IL18: variants seen among roughly 807,000 people sequenced by gnomAD.
IL18 encodes interleukin 18.
Under a neutral mutation model 14.2 loss-of-function variants are expected in IL18, and 8 were observed. The observed-to-expected ratio is 0.56, with a 90% CI of 0.33 to 1.01. The LOEUF (loss-of-function observed/expected upper bound fraction) is 1.01. Among genes scored for constraint, IL18 ranks in the 50% least tolerant of loss-of-function variants. The pLI is 0.03. For missense variants in IL18, 166 were observed against 231.1 expected (o/e 0.72, Z 1.83); for synonymous variants, 67 against 71.0 (o/e 0.94, Z 0.28).
At chr11:112,158,382 CT>C (rs1866570603) in intron 1 of IL18, among the ~76,000 whole-genome samples, 1 of 152,172 alleles carries the variant, frequency 6.6e-6, no homozygotes, top group East Asian at 1.9e-4. Flanking sequence ...TTGTTGCTTT[CT>C]TTCTTTTTTC....
chr11:112,145,694 G>C (rs768541529), intron 5 of IL18, among the ~76,000 whole-genome samples: 1 of 151,862 alleles, frequency 6.6e-6, no homozygotes, highest in Non-Finnish European at 1.5e-5. Flanking sequence ...AGCTGAGATC[G>C]TGCCACTGCA....
In IL18 at chr11:112,143,832, A is replaced by G; in HGVS notation, c.361-15T>C. The G allele has an allele frequency of 3.4e-6, 5 of 1,450,458 alleles. No individual in the cohort carries two copies. The highest frequency in any genetic ancestry group is 4.8e-6 in the Non-Finnish European group (5 of 1,046,010). The allele number at this position is 1,450,458 out of a possible 1,614,324, so 89.8% of individuals were successfully genotyped here. On this transcript the variant is annotated splice_polypyrimidine_tract_variant and intron_variant, in intron 5 of 5. Coordinates refer to ENST00000280357, the MANE Select transcript of IL18 (RefSeq NM_001562.4). ...GGATTCATTTCCTATAGAGAAAAAAACATTACCTAATTATTTCAGGACATG... is the reference window on the plus strand; with the variant it reads ...GGATTCATTTCCTATAGAGAAAAAAGCATTACCTAATTATTTCAGGACATG...
At chr11:112,161,044 A>G (rs1287937309) in intron 1 of IL18, among the ~76,000 whole-genome samples, 2 of 150,190 alleles carry the variant, frequency 1.3e-5, no homozygotes, top group East Asian at 3.9e-4. Context: ...AAATGCTTTG[A>G]CTATTTCATC....
Position 112,153,971 on chromosome 11 carries a change from T to G in IL18, c.80-368A>C, listed in dbSNP as rs112090359. On this transcript the variant is annotated intron_variant, in intron 2 of 5. Transcript: ENST00000280357. ...AATAATTTTTTATGAAGGTTTTTTT[T>G]TGTGTGTGTGTGTCAGGGTCTACTG... Among the ~76,000 whole-genome samples the G allele has an allele frequency of 3.4e-4, 51 of 152,116 alleles. 2 individuals carry two copies. Among genetic ancestry groups the G allele is most frequent in the South Asian group, 4.2e-4 (2 of 4,814 alleles).
At chr11:112,152,197 C>T (rs1254244918) in intron 3 of IL18, among the ~76,000 whole-genome samples, 1 of 152,204 alleles carries the variant, frequency 6.6e-6, no homozygotes, top group African/African-American at 2.4e-5. Context: ...TTTCCTATTT[C>T]ACTGAATGGT....
At chr11:112,149,515 T>C (rs1205560907) in intron 4 of IL18, among the ~76,000 whole-genome samples, 1 of 151,672 alleles carries the variant, frequency 6.6e-6, no homozygotes, top group Non-Finnish European at 1.5e-5. Flanking sequence ...TTGGAATTCA[T>C]ATTTTGGAAG....
Position 112,150,179 on chromosome 11 carries a change from T to G in IL18, c.119A>C (p.Lys40Thr). The change falls in exon 4 of 6, where the codon AAG (lysine) becomes ACG (threonine). Residue 40 changes from lysine (K) to threonine (T), a missense_variant. Coordinates refer to ENST00000280357, the MANE Select transcript of IL18 (RefSeq NM_001562.4). ...TATGACTGATAATTTAGATTCAAGC[T>G]TGCCAAAGTAATCTGATTCCAGGTT... is the stretch of plus-strand genomic sequence containing the variant. ...DENLESDYFGKLESKLSVIRN... is the reference protein window; with the variant it reads ...DENLESDYFGTLESKLSVIRN... 5.0e-6 allele frequency: 8 copies of G among 1,584,664 alleles called. No individual in the cohort carries two copies. The highest frequency in any genetic ancestry group is 6.9e-6 in the Non-Finnish European group (8 of 1,155,354).
At chr11:112,153,712 T>C (rs2135317566) in intron 2 of IL18, 109 bp from the exon 3 acceptor site, 1 of 693,364 alleles carries the variant, frequency 1.4e-6, no homozygotes, top group Non-Finnish European at 2.4e-6. Context: ...CTCGAACTCC[T>C]ATTTTTATGG....
At chr11:112,161,687 C>G (rs1866635217) in intron 1 of IL18, among the ~76,000 whole-genome samples, 1 of 152,096 alleles carries the variant, frequency 6.6e-6, no homozygotes, top group South Asian at 2.1e-4. Context: ...GTAGTCCCAG[C>G]TACTTGGGAC....
Position 112,148,691 on chromosome 11 carries a change from C to T in IL18, c.272G>A (p.Ser91Asn), listed in dbSNP as rs901538828. The T allele has an allele frequency of 2.7e-6, 4 of 1,508,332 alleles. No individual in the cohort carries two copies. The African/African-American group carries it at 5.6e-5, about 21-fold the overall frequency. 93.4% of individuals were successfully genotyped at this position (1,508,332 alleles called of 1,614,324 possible). ...AGTTACAGCCATACCTCTAGGCTGG[C>T]TATCTTTATACATACTTATAATAAA... The part of the protein sequence containing the change: ...TIFIISMYKD[S>N]QPRGMAVTIS... The change falls in exon 5 of 6, where the codon AGC (serine) becomes AAC (asparagine). Residue 91 changes from serine (S) to asparagine (N), a missense_variant. By Grantham distance (46) the Ser-to-Asn change is conservative. Coordinates refer to ENST00000280357, the MANE Select transcript of IL18 (RefSeq NM_001562.4).
At chr11:112,148,538 T>C (rs1866380028) in intron 5 of IL18, 65 bp downstream of exon 5, 1 of 830,728 alleles carries the variant, frequency 1.2e-6, no homozygotes, top group African/African-American at 1.8e-5. Flanking sequence ...TTAGAAATAA[T>C]GTTATATTTC....
intron 1 of IL18, among the ~76,000 whole-genome samples, chr11:112,159,702 G>A (rs953782106): frequency 1.1e-4 from 16 of 152,214 alleles, no homozygotes; most frequent in African/African-American, 3.9e-4. Context: ...GGGGCTGCTC[G>A]AAATCAAACT....
intron 2 of IL18, among the ~76,000 whole-genome samples, chr11:112,154,645 A>G (rs1866502042): frequency 6.6e-6 from 1 of 152,192 alleles, no homozygotes; most frequent in African/African-American, 2.4e-5. Context: ...TCCTGAATGC[A>G]CCCAGTTTTG....
intron 1 of IL18, among the ~76,000 whole-genome samples, chr11:112,156,141 T>C (rs1301376875): frequency 6.6e-6 from 1 of 152,164 alleles, no homozygotes; most frequent in Admixed American, 6.5e-5. Flanking sequence ...CAGGAGAGTA[T>C]TCATAAATCT....
chr11:112,145,446 A>G (rs1273295594), intron 5 of IL18, among the ~76,000 whole-genome samples: 2 of 152,206 alleles, frequency 1.3e-5, no homozygotes, highest in Non-Finnish European at 2.9e-5. Context: ...CCAGTATAGA[A>G]AGTTACAGTT....
chr11:112,159,006 G>T (rs1866582434), intron 1 of IL18, among the ~76,000 whole-genome samples: 4 of 134,472 alleles, frequency 3.0e-5, no homozygotes, highest in Admixed American at 1.6e-4. Flanking sequence ...ATAGGAGAAA[G>T]ATATGGTCAA....
chr11:112,144,489 C>T (rs565680274), intron 5 of IL18, among the ~76,000 whole-genome samples: 2 of 152,320 alleles, frequency 1.3e-5, no homozygotes, highest in Non-Finnish European at 2.9e-5. Context: ...TCAAGTGACC[C>T]TCCCACTTCG....
intron 3 of IL18, among the ~76,000 whole-genome samples, chr11:112,151,414 G>T (rs1351357433): frequency 1.3e-5 from 2 of 151,446 alleles, no homozygotes; most frequent in South Asian, 2.1e-4. Flanking sequence ...ATTATTTCTG[G>T]GTGGTTTTTA....
At chr11:112,154,326 A>G (rs1866496092) in intron 2 of IL18, among the ~76,000 whole-genome samples, 1 of 151,984 alleles carries the variant, frequency 6.6e-6, no homozygotes, top group Non-Finnish European at 1.5e-5. Context: ...GGAGTTCAAG[A>G]CCAGCCTGGA....
Sources: gnomAD v4.1 joint callset for allele counts (sites outside exome capture counted in the v4.1 genomes callset) on GRCh38, gnomAD v4.1.1 for gene constraint, MANE v1.5 for transcripts, NCBI Gene and HGNC (gene_info 2026-07-23, HGNC 2026-07-21) for gene names.